Variants in UHMK1 observed in about 807,000 individuals in gnomAD.
The protein encoded by UHMK1 is serine/threonine-protein kinase Kist.
Under a neutral mutation model 44.0 loss-of-function variants are expected in UHMK1, and 18 were observed. The observed-to-expected ratio is 0.41, with a 90% CI of 0.28 to 0.61. UHMK1 has a LOEUF of 0.61. Among genes scored for constraint, UHMK1 ranks in the 20% least tolerant of loss-of-function variants. The pLI is 0.31. For missense variants in UHMK1, 463 were observed against 522.5 expected, an observed-to-expected ratio of 0.89 and a Z score of 1.11; for synonymous variants, 231 against 198.5, an observed-to-expected ratio of 1.16 and a Z score of -1.38.
At chr1:162,511,202 T>G (rs1651657718) in intron 4 of UHMK1, among the ~76,000 whole-genome samples, 1 of 148,030 alleles carries the variant, frequency 6.8e-6, no homozygotes, top group South Asian at 2.1e-4. Flanking sequence ...TTTTTTTTTT[T>G]TTTTTTGAGA....
In UHMK1 at chr1:162,517,114, C is replaced by T. The variant is rs373519910; in HGVS notation, c.1025-988C>T. On this transcript the variant is annotated intron_variant, in intron 6 of 7. Coordinates refer to ENST00000489294, the MANE Select transcript of UHMK1 (RefSeq NM_175866.5). The stretch of plus-strand genomic sequence containing the variant: ...AGGAGTTTGAGACCAGCCTGACCAA[C>T]GTGGTGAAACCCTGTCTCTACTAAA... Among the ~76,000 whole-genome samples, 44 of 152,228 alleles carry T rather than the reference C, an allele frequency of 2.9e-4. 1 individual carries two copies. The East Asian group carries it at 7.2e-3, about 25-fold the overall frequency.
chr1:162,522,300 T>C (rs1652086877), intron 7 of UHMK1, 104 bp from the exon 8 acceptor site: 2 of 1,358,860 alleles, frequency 1.5e-6, no homozygotes, highest in Non-Finnish European at 2.0e-6. Flanking sequence ...AAATCTGCAT[T>C]TTAATAACAT....
At chr1:162,511,540 C>T (rs1651671141) in intron 4 of UHMK1, among the ~76,000 whole-genome samples, 1 of 152,090 alleles carries the variant, frequency 6.6e-6, no homozygotes, top group African/African-American at 2.4e-5. Context: ...TTCTCCCATT[C>T]TGTAAGTTGT....
intron 7 of UHMK1, among the ~76,000 whole-genome samples, chr1:162,519,264 T>C (rs933513494): frequency 1.4e-5 from 2 of 147,316 alleles, no homozygotes; most frequent in East Asian, 4.0e-4. Flanking sequence ...TGCAGCAAGC[T>C]GAGATTGCTT....
At chr1:162,515,012 G>C (rs189976473) in intron 6 of UHMK1, among the ~76,000 whole-genome samples, 1 of 152,028 alleles carries the variant, frequency 6.6e-6, no homozygotes, top group Non-Finnish European at 1.5e-5. Context: ...TTTACTTTCA[G>C]GTCTTAACTA....
chr1:162,497,199 G>A, upstream of UHMK1: 8 of 687,080 alleles, frequency 1.2e-5, no homozygotes, highest in Middle Eastern at 1.9e-3. Context: ...CCAAAGTTTT[G>A]TCATGCAGAT....
chr1:162,509,533 T>C (rs1026638193), intron 4 of UHMK1, among the ~76,000 whole-genome samples: 2 of 152,226 alleles, frequency 1.3e-5, no homozygotes, highest in African/African-American at 4.8e-5. Context: ...TGGGTTTATT[T>C]TTTTTCTGGT....
intron 7 of UHMK1, among the ~76,000 whole-genome samples, chr1:162,521,183 A>G (rs1012008369): frequency 6.6e-6 from 1 of 152,226 alleles, no homozygotes; most frequent in Non-Finnish European, 1.5e-5. Flanking sequence ...AAAATAATGA[A>G]TGCATCTGAT....
intron 4 of UHMK1, among the ~76,000 whole-genome samples, chr1:162,505,243 T>C (rs1651426643): frequency 6.6e-6 from 1 of 152,204 alleles, no homozygotes; most frequent in Non-Finnish European, 1.5e-5. Context: ...ATCATTGTCT[T>C]CCACTTCCAC....
chr1:162,505,078 A>AT (rs1189471449), intron 4 of UHMK1, among the ~76,000 whole-genome samples: 17 of 151,660 alleles, frequency 1.1e-4, no homozygotes, highest in African/African-American at 4.1e-4. Flanking sequence ...TCTGGCCAAA[A>AT]TTTTTTTTCT....
chr1:162,509,273 C>T lies in UHMK1; in HGVS notation c.849-3227C>T, dbSNP rs866691329. Among the ~76,000 whole-genome samples, 22 of 152,206 alleles carry T rather than the reference C, an allele frequency of 1.4e-4. 1 individual carries two copies. In the Middle Eastern group the frequency reaches 0.014, roughly 94 times the overall value. On this transcript the variant is annotated intron_variant, in intron 4 of 7. Transcript: ENST00000489294. ...TCTTCTGCTTTTTTCTGGTGCCTCT[C>T]TCTCTCCCCTCATCCTGCTCAATTT...
At chr1:162,506,515 C>T (rs578000971) in intron 4 of UHMK1, among the ~76,000 whole-genome samples, 1 of 152,240 alleles carries the variant, frequency 6.6e-6, no homozygotes, top group South Asian at 2.1e-4. Context: ...AGAAATAAAA[C>T]TTTTCCTGTC....
At position 162,500,990 on chromosome 1, in the gene UHMK1, G is replaced by T. The variant is rs749784931; in HGVS notation, c.639G>T (p.Leu213=). 3 of 1,613,950 alleles carry T rather than the reference G, an allele frequency of 1.9e-6. No individual in the cohort carries two copies. The highest frequency in any genetic ancestry group is 2.5e-6 in the Non-Finnish European group (3 of 1,180,000). Residue 213 remains leucine (L), a synonymous_variant, in exon 3 of 8, where the codon CTG becomes CTT. Transcript: ENST00000489294. ...AAAATTGCTTGGCCCAGGCTGGCCT[G>T]CAGAGTGATACAGAATGTACCTCAG... The part of the protein sequence containing the change: ...ELQNCLAQAG[L]QSDTECTSAV...
intron 4 of UHMK1, among the ~76,000 whole-genome samples, chr1:162,505,700 T>C (rs1189699842): frequency 1.3e-5 from 2 of 152,242 alleles, no homozygotes; most frequent in Non-Finnish European, 2.9e-5. Flanking sequence ...TATTAAATAG[T>C]AGGTTTTTCA....
Position 162,525,950 on chromosome 1 carries a change from A to G in UHMK1, c.*3400A>G, listed in dbSNP as rs1318326189. The G allele has an allele frequency of 6.6e-6, 1 of 152,192 alleles. No individual in the cohort carries two copies. The highest frequency in any genetic ancestry group is 1.5e-5 in the Non-Finnish European group (1 of 68,028). 9.4% of individuals were successfully genotyped at this position (152,192 alleles called of 1,614,324 possible). ...CAAATACTTATTTAACTTGTCTTCT[A>G]GATTCATGTTGCTTATATTTTAACT... On this transcript the variant is annotated 3_prime_UTR_variant, in exon 8 of 8. Coordinates refer to ENST00000489294, the MANE Select transcript of UHMK1 (RefSeq NM_175866.5).
At chr1:162,498,848 C>G (rs1651161310) in intron 1 of UHMK1, among the ~76,000 whole-genome samples, 1 of 152,208 alleles carries the variant, frequency 6.6e-6, no homozygotes, top group Admixed American at 6.5e-5. Context: ...GATGATTGAT[C>G]TGTGAAAAGG....
intron 4 of UHMK1, 58 bp from the exon 5 acceptor site, chr1:162,512,442 T>C: frequency 5.8e-6 from 8 of 1,376,402 alleles, no homozygotes; most frequent in Non-Finnish European, 8.1e-6. Flanking sequence ...CTTTCTTTAA[T>C]GGTTGCATTT....
In UHMK1 at chr1:162,516,657, G is replaced by GATAGTTTAAAGAAAAAATATTT. The variant is rs1277332054; in HGVS notation, c.1025-1418_1025-1397dup. Among the ~76,000 whole-genome samples, 25 of 152,138 alleles carry GATAGTTTAAAGAAAAAATATTT rather than the reference G, an allele frequency of 1.6e-4. No individual in the cohort carries two copies. In the South Asian group the frequency reaches 3.7e-3, roughly 23 times the overall value. On this transcript the variant is annotated intron_variant, in intron 6 of 7. Coordinates refer to ENST00000489294, the MANE Select transcript of UHMK1 (RefSeq NM_175866.5). Reference sequence around the variant, plus strand: ...CCCTAAGAAAGATTAAAAGACAAAGGATAGTTTAAAGAAAAAATATTTATA... The same window carrying GATAGTTTAAAGAAAAAATATTT: ...CCCTAAGAAAGATTAAAAGACAAAGGATAGTTTAAAGAAAAAATATTTATAGTTTAAAGAAAAAATATTTATA...
intron 6 of UHMK1, among the ~76,000 whole-genome samples, chr1:162,515,805 C>T (rs1484047635): frequency 2.0e-5 from 3 of 151,972 alleles, no homozygotes; most frequent in South Asian, 2.1e-4. Context: ...GAGGCCGAGG[C>T]GGATGGATCA....
Sources: allele counts gnomAD v4.1 joint callset (sites outside exome capture counted in the v4.1 genomes callset), GRCh38; gene constraint gnomAD v4.1.1; transcripts MANE v1.5; gene names NCBI Gene and HGNC (gene_info 2026-07-23, HGNC 2026-07-21).